MYO1B: variants seen among roughly 807,000 people sequenced by gnomAD.
The protein encoded by MYO1B is myosin IB.
A neutral mutation model predicts 159.7 loss-of-function variants in MYO1B; 72 were observed. The observed-to-expected ratio is 0.45, with a 90% CI of 0.37 to 0.55. The LOEUF is 0.55. Among genes scored for constraint, MYO1B ranks in the 20% least tolerant of loss-of-function variants. The pLI is 0.00. For synonymous variants in MYO1B, 468 were observed against 473.8 expected (o/e 0.99, Z 0.16); for missense variants, 1,062 against 1,364.8 (o/e 0.78, Z 3.50).
intron 3 of MYO1B, among the ~76,000 whole-genome samples, chr2:191,318,797 G>A (rs1224036963): frequency 6.6e-6 from 1 of 152,218 alleles, no homozygotes; most frequent in African/African-American, 2.4e-5. Context: ...ATTTGGATGT[G>A]TTCTGAAGCA....
chr2:191,264,581 A>T (rs1687016190), intron 1 of MYO1B, among the ~76,000 whole-genome samples: 1 of 152,126 alleles, frequency 6.6e-6, no homozygotes, highest in Non-Finnish European at 1.5e-5. Context: ...AAACATGCTC[A>T]AATGTGCCTT....
intron 2 of MYO1B, among the ~76,000 whole-genome samples, chr2:191,289,312 G>C (rs1335029788): frequency 6.6e-6 from 1 of 152,208 alleles, no homozygotes; most frequent in Non-Finnish European, 1.5e-5. Context: ...TGGATTGTAT[G>C]CTCTAATGAA....
chr2:191,298,472 C>A (rs1270178224), intron 3 of MYO1B, among the ~76,000 whole-genome samples: 1 of 152,170 alleles, frequency 6.6e-6, no homozygotes, highest in Non-Finnish European at 1.5e-5. Flanking sequence ...AGAATTCCCC[C>A]AGGGGCTTAT....
chr2:191,320,289 T>C (rs1247906530), intron 3 of MYO1B, among the ~76,000 whole-genome samples: 2 of 152,160 alleles, frequency 1.3e-5, no homozygotes, highest in African/African-American at 4.8e-5. Context: ...TTTGTATGCC[T>C]CTGCCTGACA....
chr2:191,404,623 C>G (rs1343011652), intron 24 of MYO1B, among the ~76,000 whole-genome samples: 1 of 152,164 alleles, frequency 6.6e-6, no homozygotes, highest in Non-Finnish European at 1.5e-5. Context: ...GGCTCAGTTC[C>G]AGATCTCTGC....
intron 3 of MYO1B, among the ~76,000 whole-genome samples, chr2:191,326,191 G>A (rs910933915): frequency 6.6e-6 from 1 of 152,162 alleles, no homozygotes; most frequent in Non-Finnish European, 1.5e-5. Flanking sequence ...GGTCACAACC[G>A]TTTTTAACTA....
intron 1 of MYO1B, among the ~76,000 whole-genome samples, chr2:191,259,361 G>A (rs1686658062): frequency 6.6e-6 from 1 of 152,278 alleles, no homozygotes; most frequent in East Asian, 1.9e-4. Flanking sequence ...TTAAAAAGAT[G>A]TTTGTGGGCC....
chr2:191,366,576 G>A (rs1694024528), intron 11 of MYO1B, among the ~76,000 whole-genome samples: 1 of 152,028 alleles, frequency 6.6e-6, no homozygotes, highest in Non-Finnish European at 1.5e-5. Flanking sequence ...TCTCTAGATA[G>A]GAGGACTAAT....
intron 3 of MYO1B, among the ~76,000 whole-genome samples, chr2:191,321,172 G>T (rs1009949077): frequency 6.6e-6 from 1 of 152,128 alleles, no homozygotes; most frequent in Non-Finnish European, 1.5e-5. Flanking sequence ...GCTTTTTAAG[G>T]CTTTAAATCA....
chr2:191,378,564 TC>T (rs1694853405), intron 13 of MYO1B, among the ~76,000 whole-genome samples: 1 of 152,198 alleles, frequency 6.6e-6, no homozygotes, highest in South Asian at 2.1e-4. Flanking sequence ...AAGGCTATTT[TC>T]ACTTTTTTTG....
chr2:191,288,958 T>C (rs1268688838), intron 2 of MYO1B, among the ~76,000 whole-genome samples: 1 of 152,246 alleles, frequency 6.6e-6, no homozygotes, highest in Non-Finnish European at 1.5e-5. Flanking sequence ...ATTTCTTTGA[T>C]GTTATTTTAG....
At chr2:191,342,133 C>T (rs1692262517) in intron 5 of MYO1B, among the ~76,000 whole-genome samples, 2 of 152,206 alleles carry the variant, frequency 1.3e-5, no homozygotes, top group Admixed American at 1.3e-4. Flanking sequence ...CAAGATCAAG[C>T]TGTTGTCCAG....
Position 191,408,099 on chromosome 2 carries a change from C to T in MYO1B, c.2557-16C>T. 6.3e-7 allele frequency: 1 copy of T among 1,588,054 alleles called. No homozygotes were observed. Among genetic ancestry groups the T allele is most frequent in the South Asian group, 1.1e-5 (1 of 90,444 alleles). On this transcript the variant is annotated splice_polypyrimidine_tract_variant and intron_variant, in intron 24 of 30. Transcript: ENST00000392318. ...GCCACACATTAACCACTGTAACCTA[C>T]ATCTTCTTTTTAAAGGTACGTAGAG...
At chr2:191,302,919 G>A (rs1689422550) in intron 3 of MYO1B, among the ~76,000 whole-genome samples, 1 of 152,164 alleles carries the variant, frequency 6.6e-6, no homozygotes. Flanking sequence ...CTCCGTCTGT[G>A]GACTCTTTGA....
intron 26 of MYO1B, 63 bp downstream of exon 26, chr2:191,409,241 A>G: frequency 6.6e-7 from 1 of 1,518,502 alleles, no homozygotes; most frequent in Non-Finnish European, 9.0e-7. Flanking sequence ...GTTTAAAAAC[A>G]CATAAAATCA....
At chr2:191,413,351 G>T (rs575364845) in intron 27 of MYO1B, among the ~76,000 whole-genome samples, 1 of 152,162 alleles carries the variant, frequency 6.6e-6, no homozygotes, top group Non-Finnish European at 1.5e-5. Flanking sequence ...ATAATAAAGT[G>T]TTGGATATCT....
At chr2:191,311,274 C>T (rs12616167) in intron 3 of MYO1B, among the ~76,000 whole-genome samples, 78,910 of 152,034 alleles carry the variant, frequency 0.52, 21,505 homozygotes, top group East Asian at 0.65. Context: ...ACAGCCAAAA[C>T]TTAGGCTGTT....
chr2:191,342,906 C>CAAA lies in MYO1B; in HGVS notation c.451+1350_451+1352dup, dbSNP rs111813322. Among the ~76,000 whole-genome samples, 627 of 145,778 alleles carry CAAA rather than the reference C, an allele frequency of 4.3e-3. 9 individuals are homozygous for CAAA. Among genetic ancestry groups the CAAA allele is most frequent in the African/African-American group, 0.014 (573 of 40,336 alleles). Reference sequence around the variant, plus strand: ...TAAGCGACAGAGGGAGACTCTGTCTCAAAAAAAAAAATGCTTTATATTGTA... The same window carrying CAAA: ...TAAGCGACAGAGGGAGACTCTGTCTCAAAAAAAAAAAAAATGCTTTATATTGTA... On this transcript the variant is annotated intron_variant, in intron 5 of 30. Transcript: ENST00000392318.
chr2:191,253,339 G>T (rs1686242036), intron 1 of MYO1B, among the ~76,000 whole-genome samples: 1 of 152,144 alleles, frequency 6.6e-6, no homozygotes, highest in Non-Finnish European at 1.5e-5. Flanking sequence ...TTTAGGTTCT[G>T]TCACTGCCTG....
Sources: allele counts gnomAD v4.1 joint callset (sites outside exome capture counted in the v4.1 genomes callset), GRCh38; gene constraint gnomAD v4.1.1; transcripts MANE v1.5; gene names NCBI Gene and HGNC (gene_info 2026-07-23, HGNC 2026-07-21).